The following AMD1 variants were observed in gnomAD, a reference collection of about 807,000 sequenced individuals.
AMD1 encodes adenosylmethionine decarboxylase 1.
A neutral mutation model predicts 40.2 loss-of-function variants in AMD1; 11 were observed. The observed-to-expected ratio is 0.27, with a 90% confidence interval of 0.17 to 0.45. AMD1 has a LOEUF of 0.45. Among genes scored for constraint, AMD1 ranks in the 20% least tolerant of loss-of-function variants. The probability of loss-of-function intolerance (pLI) is 1.00; values close to 1 mark genes in which losing one functional copy is unlikely to be tolerated. For missense variants in AMD1, 257 were observed against 410.2 expected, an observed-to-expected ratio of 0.63 and a Z score of 3.23; for synonymous variants, 121 against 130.8, an observed-to-expected ratio of 0.93 and a Z score of 0.51.
At chr6:110,858,653 G>T in the AMD1 span, 20 of 1,224,472 alleles carry the variant, frequency 1.6e-5, no homozygotes, top group Middle Eastern at 2.7e-4. Flanking sequence ...GCTGCAGAGC[G>T]GGGTGGACAT....
intron 1 of AMD1, chr6:110,875,467 C>T (rs1785046510): frequency 7.1e-6 from 3 of 420,520 alleles, no homozygotes; most frequent in South Asian, 7.7e-5. Context: ...GAGGCCGGCG[C>T]GGCCGCGTGC....
At position 110,875,246 on chromosome 6, in the gene AMD1, G is replaced by A. The variant is rs755848950; in HGVS notation, c.110+31G>A. Reference sequence around the variant, plus strand: ...TCCCCGGGGCGCTCGCTGACATCCGGGCCTGGGGGCTGTCGCCGCCGCCGA... The same window carrying A: ...TCCCCGGGGCGCTCGCTGACATCCGAGCCTGGGGGCTGTCGCCGCCGCCGA... On this transcript the variant is annotated intron_variant, in intron 1 of 8. Coordinates refer to ENST00000368885, the MANE Select transcript of AMD1 (RefSeq NM_001634.6). 3.2e-6 allele frequency: 5 copies of A among 1,546,818 alleles called. No individual in the cohort carries two copies. In the South Asian group the frequency reaches 5.8e-5, roughly 18 times the overall value.
At position 110,892,442 on chromosome 6, in the gene AMD1, G is replaced by A. The variant is rs138417618; in HGVS notation, c.614G>A (p.Arg205His). The part of the protein sequence containing the change: ...KDGVTAKDVT[R>H]ESGIRDLIPG... ...GGTGTTACTGCAAAGGATGTCACTCGTGTAAGCATTTTTAGTAATAATTGT... is the reference window on the plus strand; with the variant it reads ...GGTGTTACTGCAAAGGATGTCACTCATGTAAGCATTTTTAGTAATAATTGT... The change falls in exon 6 of 9, where the codon CGT (arginine) becomes CAT (histidine). Residue 205 changes from arginine to histidine, a missense_variant and splice_region_variant. Arg to His is a conservative substitution (Grantham distance 29, BLOSUM62 0). This residue lies in a region of AMD1 where 192 missense variants were observed against 296.5 expected (regional missense o/e 0.65). Coordinates refer to ENST00000368885, the MANE Select transcript of AMD1 (RefSeq NM_001634.6). 4.0e-5 allele frequency: 64 copies of A among 1,611,838 alleles called. 1 individual carries two copies. The highest frequency in any genetic ancestry group is 1.1e-5 in the South Asian group (1 of 90,976).
At chr6:110,858,619 G>C in the AMD1 span, 1 of 1,482,288 alleles carries the variant, frequency 6.7e-7, no homozygotes, top group Non-Finnish European at 9.4e-7. Context: ...TTCTCGCCCT[G>C]GTGAGTAAGG....
chr6:110,858,986 G>A, the AMD1 span: 3 of 1,138,030 alleles, frequency 2.6e-6, no homozygotes, highest in East Asian at 6.9e-5. Flanking sequence ...GCTACACGCA[G>A]GGCGCCAAGC....
At chr6:110,844,171 T>G in the AMD1 span, among the ~76,000 whole-genome samples, 1 of 149,522 alleles carries the variant, frequency 6.7e-6, no homozygotes, top group Admixed American at 6.7e-5. Flanking sequence ...TTGGATCACT[T>G]GAGCCCAGGA....
At chr6:110,832,304 C>A in the AMD1 span, among the ~76,000 whole-genome samples, 5 of 151,856 alleles carry the variant, frequency 3.3e-5, no homozygotes, top group Admixed American at 6.6e-5. Flanking sequence ...CGTGCCCAGC[C>A]CATGCCTGGC....
chr6:110,853,717 A>G, the AMD1 span, among the ~76,000 whole-genome samples: 21 of 152,322 alleles, frequency 1.4e-4, no homozygotes, highest in African/African-American at 4.8e-4. Context: ...CTCAGCTTAC[A>G]GGTGTGAGCA....
At chr6:110,849,797 A>T in the AMD1 span, among the ~76,000 whole-genome samples, 1 of 152,154 alleles carries the variant, frequency 6.6e-6, no homozygotes, top group South Asian at 2.1e-4. Flanking sequence ...AGGCAAGAAG[A>T]TTGCTTGAGC....
the AMD1 span, among the ~76,000 whole-genome samples, chr6:110,853,878 G>T: frequency 1.3e-5 from 2 of 152,192 alleles, no homozygotes; most frequent in East Asian, 3.8e-4. Context: ...TGGAATGGCT[G>T]TGAAGTAGCA....
chr6:110,825,732 G>C, the AMD1 span, among the ~76,000 whole-genome samples: 1 of 152,140 alleles, frequency 6.6e-6, no homozygotes, highest in Non-Finnish European at 1.5e-5. Flanking sequence ...CTTAAACATT[G>C]ATTAAAAGTC....
At chr6:110,814,971 G>A in the AMD1 span, 2 of 1,597,156 alleles carry the variant, frequency 1.3e-6, no homozygotes, top group Non-Finnish European at 1.7e-6. Flanking sequence ...GCAGGGCGAG[G>A]ACCCGAGCGA....
the AMD1 span, among the ~76,000 whole-genome samples, chr6:110,839,521 C>T: frequency 1.3e-5 from 2 of 151,862 alleles, no homozygotes; most frequent in Admixed American, 6.6e-5. Flanking sequence ...CCTGGGAGGC[C>T]GAGGCAGGAG....
At chr6:110,878,628 A>G (rs935732432) in intron 1 of AMD1, among the ~76,000 whole-genome samples, 3 of 152,196 alleles carry the variant, frequency 2.0e-5, no homozygotes, top group African/African-American at 7.2e-5. Flanking sequence ...AATAAAAATC[A>G]GTGACCATTT....
chr6:110,880,764 C>A (rs1785364615), intron 1 of AMD1, among the ~76,000 whole-genome samples: 1 of 152,132 alleles, frequency 6.6e-6, no homozygotes. Context: ...CCTCCGCCTC[C>A]TGGGTTCAAG....
Position 110,893,957 on chromosome 6 carries a change from T to TA in AMD1, c.*342dup. The TA allele has an allele frequency of 2.3e-5, 5 of 221,190 alleles. No homozygotes were observed. Among genetic ancestry groups the TA allele is most frequent in the South Asian group, 1.4e-4 (2 of 13,796 alleles). 13.7% of individuals were successfully genotyped at this position (221,190 alleles called of 1,614,324 possible). On this transcript the variant is annotated 3_prime_UTR_variant, in exon 9 of 9. Transcript: ENST00000368885. ...ATGCACAGTGTAATATTTCTCCAAG[T>TA]ATCATCCAAAATTCCCCACAGACAA...
chr6:110,888,557 C>T (rs1240735487), intron 2 of AMD1: 3 of 168,308 alleles, frequency 1.8e-5, no homozygotes, highest in South Asian at 1.5e-4. Flanking sequence ...TGATCCACCT[C>T]GGCCGCCTAA....
intron 1 of AMD1, among the ~76,000 whole-genome samples, chr6:110,885,283 T>G (rs534692550): frequency 6.6e-6 from 1 of 152,040 alleles, no homozygotes; most frequent in East Asian, 1.9e-4. Context: ...AGCTAATTTT[T>G]TGTGTTTTTA....
At chr6:110,817,754 A>T in the AMD1 span, among the ~76,000 whole-genome samples, 3 of 152,252 alleles carry the variant, frequency 2.0e-5, no homozygotes, top group Admixed American at 6.5e-5. Context: ...AAGCAAATTA[A>T]AAATAAACTG....
Sources: gnomAD v4.1 joint callset for allele counts (sites outside exome capture counted in the v4.1 genomes callset) on GRCh38, gnomAD v4.1.1 for gene constraint, gnomAD v4.1.1 regional missense constraint, MANE v1.5 for transcripts, NCBI Gene and HGNC (gene_info 2026-07-23, HGNC 2026-07-21) for gene names.